The following SEMA6D variants were observed in gnomAD, a reference collection of about 807,000 sequenced individuals.
SEMA6D encodes the protein semaphorin 6D.
Under a neutral mutation model 106.6 loss-of-function variants are expected in SEMA6D, and 35 were observed. That is an observed-to-expected ratio of 0.33 (90% CI 0.25 to 0.44). The LOEUF (loss-of-function observed/expected upper bound fraction) is 0.44. SEMA6D is among the 20% of genes least tolerant of loss of function. SEMA6D has a pLI of 1.00. For synonymous variants in SEMA6D, 499 were observed against 487.7 expected (o/e 1.02, Z -0.31); for missense variants, 1,185 against 1,345.9 (o/e 0.88, Z 1.87).
At chr15:47,587,772 A>G (rs76897740) in intron 3 of SEMA6D, among the ~76,000 whole-genome samples, 2 of 129,380 alleles carry the variant, frequency 1.5e-5, no homozygotes, top group African/African-American at 5.6e-5. Context: ...AGCAATAAAA[A>G]CATTTTTTAC....
intron 1 of SEMA6D, among the ~76,000 whole-genome samples, chr15:47,242,969 T>G (rs1402179347): frequency 6.6e-6 from 1 of 152,156 alleles, no homozygotes; most frequent in African/African-American, 2.4e-5. Flanking sequence ...ATAGGTTGTT[T>G]GAGGATGTAC....
intron 1 of SEMA6D, among the ~76,000 whole-genome samples, chr15:47,348,909 G>C (rs2038197825): frequency 6.6e-6 from 1 of 152,028 alleles, no homozygotes; most frequent in Non-Finnish European, 1.5e-5. Context: ...TTGTGGTAGA[G>C]GAAACAACAT....
At chr15:47,682,679 TA>T (rs545175973) in intron 4 of SEMA6D, among the ~76,000 whole-genome samples, 16 of 152,154 alleles carry the variant, frequency 1.1e-4, no homozygotes, top group South Asian at 2.1e-4. Flanking sequence ...ACCAAATGAG[TA>T]AAAGACCAAT....
chr15:47,415,400 T>C (rs966307167), intron 2 of SEMA6D, among the ~76,000 whole-genome samples: 7 of 152,120 alleles, frequency 4.6e-5, no homozygotes, highest in African/African-American at 1.7e-4. Context: ...TCTCTGGGAC[T>C]GATCCTTGTG....
intron 3 of SEMA6D, among the ~76,000 whole-genome samples, chr15:47,508,621 G>A (rs570584747): frequency 6.6e-6 from 1 of 152,322 alleles, no homozygotes; most frequent in South Asian, 2.1e-4. Flanking sequence ...AAAGAAGTAA[G>A]GAAGGAAGAA....
chr15:47,257,554 A>G (rs184177124), intron 1 of SEMA6D, among the ~76,000 whole-genome samples: 1 of 152,248 alleles, frequency 6.6e-6, no homozygotes, highest in Non-Finnish European at 1.5e-5. Context: ...ACTATAGATT[A>G]TTTAGAAGTG....
intron 4 of SEMA6D, among the ~76,000 whole-genome samples, chr15:47,650,274 C>G (rs945115154): frequency 1.3e-5 from 2 of 152,176 alleles, no homozygotes; most frequent in African/African-American, 4.8e-5. Flanking sequence ...ATCTAACAGT[C>G]CATACACCAG....
intron 3 of SEMA6D, among the ~76,000 whole-genome samples, chr15:47,493,827 A>T (rs889164671): frequency 1.3e-5 from 2 of 152,116 alleles, no homozygotes; most frequent in African/African-American, 4.8e-5. Context: ...TCATTTTGCT[A>T]TTCTGCCTAT....
chr15:47,513,180 C>A (rs2044284706), intron 3 of SEMA6D, among the ~76,000 whole-genome samples: 1 of 151,232 alleles, frequency 6.6e-6, no homozygotes, highest in African/African-American at 2.4e-5. Flanking sequence ...ACAGTCTTCT[C>A]CCTTGAAAAA....
intron 1 of SEMA6D, chr15:47,730,721 G>T (rs1369636046): frequency 1.9e-6 from 3 of 1,605,220 alleles, no homozygotes; most frequent in African/African-American, 2.7e-5. Context: ...ACTTTCAGCC[G>T]CTTATAGAGT....
At chr15:47,697,762 A>G (rs968917712) in intron 4 of SEMA6D, among the ~76,000 whole-genome samples, 1 of 152,162 alleles carries the variant, frequency 6.6e-6, no homozygotes. Context: ...TGATGTTTCC[A>G]TCTCAACCTG....
chr15:47,235,809 C>T (rs62013988), intron 1 of SEMA6D, among the ~76,000 whole-genome samples: 1,777 of 152,000 alleles, frequency 0.012, 33 homozygotes, highest in Admixed American at 0.012. Flanking sequence ...TTGCTTTTGA[C>T]AGTGTTCCAT....
At chr15:47,263,127 A>G (rs976638751) in intron 1 of SEMA6D, among the ~76,000 whole-genome samples, 7 of 152,156 alleles carry the variant, frequency 4.6e-5, no homozygotes, top group African/African-American at 1.7e-4. Flanking sequence ...CATTCAGGAC[A>G]TAGGGATTGG....
At chr15:47,737,346 G>A (rs1278312732) in intron 1 of SEMA6D, among the ~76,000 whole-genome samples, 3 of 152,078 alleles carry the variant, frequency 2.0e-5, no homozygotes, top group Non-Finnish European at 2.9e-5. Context: ...AAAATGAGCT[G>A]TTTATTTGGA....
At chr15:47,524,403 T>A (rs997675888) in intron 3 of SEMA6D, among the ~76,000 whole-genome samples, 1 of 152,138 alleles carries the variant, frequency 6.6e-6, no homozygotes, top group Non-Finnish European at 1.5e-5. Context: ...GGCTGCTGAT[T>A]GAAACTTACT....
intron 1 of SEMA6D, among the ~76,000 whole-genome samples, chr15:47,364,467 T>C (rs1196299599): frequency 3.9e-5 from 6 of 152,198 alleles, no homozygotes; most frequent in African/African-American, 1.4e-4. Flanking sequence ...AGGGACCTGC[T>C]CAGGGTCAAC....
intron 1 of SEMA6D, among the ~76,000 whole-genome samples, chr15:47,195,809 A>G (rs1477996945): frequency 6.6e-6 from 1 of 152,294 alleles, no homozygotes; most frequent in East Asian, 1.9e-4. Context: ...TTGAGGGTGG[A>G]CACGATGTCT....
intron 1 of SEMA6D, among the ~76,000 whole-genome samples, chr15:47,353,072 T>C (rs982478849): frequency 4.6e-5 from 7 of 152,142 alleles, no homozygotes; most frequent in African/African-American, 1.7e-4. Flanking sequence ...ATTTTGTGTG[T>C]GTGTGTGTGT....
intron 2 of SEMA6D, among the ~76,000 whole-genome samples, chr15:47,447,259 A>G (rs2042056362): frequency 6.6e-6 from 1 of 152,060 alleles, no homozygotes; most frequent in Non-Finnish European, 1.5e-5. Context: ...TTGTAGTCTA[A>G]TGAGTTGACT....
Sources: gnomAD v4.1 joint callset for allele counts (sites outside exome capture counted in the v4.1 genomes callset) on GRCh38, gnomAD v4.1.1 for gene constraint, MANE v1.5 for transcripts, NCBI Gene and HGNC (gene_info 2026-07-23, HGNC 2026-07-21) for gene names.